Variants in ARID1B observed in about 807,000 individuals in gnomAD.
The protein encoded by ARID1B is AT-rich interactive domain-containing protein 1B.
A neutral mutation model predicts 212.3 loss-of-function variants in ARID1B; 30 were observed. The ratio of observed to expected loss-of-function variants is 0.14; its 90% CI spans 0.11 to 0.19. The LOEUF is 0.19. ARID1B is among the 10% of genes least tolerant of loss of function. The pLI, the probability that ARID1B is intolerant of heterozygous loss-of-function variation, is 1.00. For missense variants in ARID1B, 2,891 were observed against 3,204.0 expected (o/e 0.90, Z 2.36); for synonymous variants, 1,402 against 1,301.7 (o/e 1.08, Z -1.66).
In ARID1B at chr6:157,206,831, A is replaced by G; in HGVS notation, c.6059A>G (p.Gln2020Arg). The G allele has an allele frequency of 2.5e-6, 4 of 1,614,116 alleles. No individual in the cohort carries two copies. Among genetic ancestry groups the G allele is most frequent in the Non-Finnish European group, 3.4e-6 (4 of 1,180,028 alleles). The change falls in exon 20 of 20, where the codon CAG (glutamine) becomes CGG (arginine). Residue 2020 changes from glutamine to arginine, a missense_variant. By Grantham distance (43) the Gln-to-Arg change is conservative (BLOSUM62 1). Transcript: ENST00000636930. The surrounding 1 kb of genome is among the most constrained non-coding windows in gnomAD (Gnocchi z 6.8). Reference sequence around the variant, plus strand: ...CCTGAAGACGCAAACCCTGGGCCCCAGACCGAAAGCAGTAAGTTTCCCTTT... The same window carrying G: ...CCTGAAGACGCAAACCCTGGGCCCCGGACCGAAAGCAGTAAGTTTCCCTTT... Reference protein sequence around the residue: ...ALPEDANPGPQTESSKFPFGI... With the variant: ...ALPEDANPGPRTESSKFPFGI...
At chr6:157,066,526 T>G (rs1783686597) in intron 4 of ARID1B, among the ~76,000 whole-genome samples, 1 of 152,194 alleles carries the variant, frequency 6.6e-6, no homozygotes, top group Non-Finnish European at 1.5e-5. Context: ...TAATGACATT[T>G]TTGGGCCAAA....
intron 5 of ARID1B, among the ~76,000 whole-genome samples, chr6:157,109,376 C>T (rs765864946): frequency 3.3e-5 from 5 of 152,072 alleles, no homozygotes; most frequent in East Asian, 1.9e-4. Context: ...CTGATCCAGC[C>T]GGGGTCCCAG....
intron 4 of ARID1B, among the ~76,000 whole-genome samples, chr6:157,078,335 C>T (rs951628083): frequency 6.6e-6 from 1 of 152,148 alleles, no homozygotes; most frequent in Non-Finnish European, 1.5e-5. Context: ...AGAAGGGAAA[C>T]GTTACTTCCA....
chr6:156,897,233 T>TCTC, intron 2 of ARID1B, among the ~76,000 whole-genome samples: 1 of 90,756 alleles, frequency 1.1e-5, no homozygotes, highest in African/African-American at 4.2e-5. Flanking sequence ...TTCTTCTTCT[T>TCTC]CTTCTTCTTC....
At chr6:156,829,068 T>A (rs1229142662) in intron 1 of ARID1B, among the ~76,000 whole-genome samples, 159 bp from the exon 2 acceptor site, 1 of 152,256 alleles carries the variant, frequency 6.6e-6, no homozygotes, top group Non-Finnish European at 1.5e-5. Context: ...CTAGGTTTTT[T>A]CTTTAATGTC....
At chr6:156,776,495 C>T (rs1778631393), upstream of ARID1B, 1 of 152,158 alleles carries the variant, frequency 6.6e-6, no homozygotes, top group South Asian at 2.1e-4. Context: ...AGCTCTGAAA[C>T]ATGATGAAAG....
chr6:157,137,007 A>G (rs1002784986), intron 7 of ARID1B, among the ~76,000 whole-genome samples: 2 of 152,192 alleles, frequency 1.3e-5, no homozygotes, highest in East Asian at 3.9e-4. Context: ...GTAGAACCCC[A>G]TCTCTACAAA....
chr6:157,131,629 C>CGTCCCTGGG, intron 6 of ARID1B, among the ~76,000 whole-genome samples: 1 of 152,276 alleles, frequency 6.6e-6, no homozygotes, highest in Non-Finnish European at 1.5e-5. Flanking sequence ...CACGAGGTCT[C>CGTCCCTGGG]ACAGACAGGG....
At chr6:157,121,604 T>A (rs532232822) in intron 6 of ARID1B, among the ~76,000 whole-genome samples, 1 of 151,038 alleles carries the variant, frequency 6.6e-6, no homozygotes, top group East Asian at 1.9e-4. Context: ...ATTATCTCTT[T>A]TACAAATAAG....
At chr6:157,057,962 A>G (rs1007994313) in intron 4 of ARID1B, among the ~76,000 whole-genome samples, 1 of 152,200 alleles carries the variant, frequency 6.6e-6, no homozygotes, top group Non-Finnish European at 1.5e-5. Context: ...TTTCTTTTGC[A>G]GAATTTTTTG....
intron 4 of ARID1B, among the ~76,000 whole-genome samples, chr6:157,019,541 C>G (rs1339138181): frequency 1.3e-5 from 2 of 152,214 alleles, no homozygotes; most frequent in South Asian, 2.1e-4. Flanking sequence ...CTATTTCTCT[C>G]TAGATTTGGA....
At chr6:157,188,473 T>C (rs925096050) in intron 13 of ARID1B, among the ~76,000 whole-genome samples, 1 of 152,250 alleles carries the variant, frequency 6.6e-6, no homozygotes, top group African/African-American at 2.4e-5. Flanking sequence ...CTGTAACCTC[T>C]CGTGGTTTGT....
chr6:156,778,565 G>A lies in ARID1B; in HGVS notation c.885G>A (p.Gln295=), dbSNP rs1778863088. 4.0e-6 allele frequency: 5 copies of A among 1,237,968 alleles called. No individual in the cohort carries two copies. In the African/African-American group the frequency reaches 4.7e-5, roughly 12 times the overall value. The allele number at this position is 1,237,968 out of a possible 1,614,324, so 76.7% of individuals were successfully genotyped here. Reference sequence around the variant, plus strand: ...GCTTGGGCGCCCTGGGCACGCAGCAGCCGCCGGTCGCCGTGCCCGGGGGCG... The same window carrying A: ...GCTTGGGCGCCCTGGGCACGCAGCAACCGCCGGTCGCCGTGCCCGGGGGCG... ...HPGLGALGTQ[Q]PPVAVPGGGG... is the part of the protein sequence containing the mutation. The change falls in exon 1 of 20, where the codon CAG becomes CAA. Residue 295 remains glutamine (Q), a synonymous_variant. Transcript: ENST00000636930.
chr6:157,104,052 G>C (rs901432370), intron 5 of ARID1B, among the ~76,000 whole-genome samples: 1 of 152,064 alleles, frequency 6.6e-6, no homozygotes, highest in African/African-American at 2.4e-5. Flanking sequence ...GGCCAGGCTG[G>C]TCTCGAACTC....
chr6:156,952,461 A>G (rs953420997), intron 4 of ARID1B, among the ~76,000 whole-genome samples: 5 of 152,220 alleles, frequency 3.3e-5, no homozygotes, highest in African/African-American at 9.6e-5. Flanking sequence ...AAAGGCTAGC[A>G]GGGGTGGTGG....
At chr6:156,966,372 TTTTCTTTTCTTTTC>T (rs1794737815) in intron 4 of ARID1B, among the ~76,000 whole-genome samples, 2 of 124,980 alleles carry the variant, frequency 1.6e-5, no homozygotes, top group African/African-American at 6.6e-5. Context: ...CATAAATAAC[TTTTCTTTTCTTTTC>T]TTTTTTTTTT....
chr6:157,198,573 A>C, intron 16 of ARID1B: 1 of 515,184 alleles, frequency 1.9e-6, no homozygotes, highest in Non-Finnish European at 3.5e-6. Context: ...TTCCTCTGAC[A>C]CCTATTAGCC....
chr6:157,070,094 T>C (rs1056258204), intron 4 of ARID1B, among the ~76,000 whole-genome samples: 1 of 152,200 alleles, frequency 6.6e-6, no homozygotes, highest in Admixed American at 6.5e-5. Context: ...TGTTACAATT[T>C]AGTAAGCTCT....
chr6:157,029,062 AACAT>A (rs1360317428), intron 4 of ARID1B, among the ~76,000 whole-genome samples: 11 of 152,236 alleles, frequency 7.2e-5, no homozygotes, highest in African/African-American at 2.7e-4. Context: ...ATCTTTGAGC[AACAT>A]ACATACTCAT....
Sources: allele counts gnomAD v4.1 joint callset (sites outside exome capture counted in the v4.1 genomes callset), GRCh38; gene constraint gnomAD v4.1.1; non-coding constraint Gnocchi (gnomAD v3.1); transcripts MANE v1.5; gene names NCBI Gene and HGNC (gene_info 2026-07-23, HGNC 2026-07-21).